The following KLHL32 variants were observed in gnomAD, a reference collection of about 807,000 sequenced individuals.
KLHL32 encodes the protein kelch-like protein 32.
KLHL32 carries 35 observed loss-of-function variants against 64.8 expected under a neutral mutation model. The ratio of observed to expected loss-of-function variants is 0.54; its 90% confidence interval spans 0.41 to 0.72. The LOEUF is 0.72. KLHL32 is among the 30% of genes least tolerant of loss of function. KLHL32 has a pLI of 0.00. For synonymous variants in KLHL32, 259 were observed against 281.0 expected (o/e 0.92, Z 0.78); for missense variants, 589 against 768.5 (o/e 0.77, Z 2.76).
At chr6:97,077,667 A>G (rs1188240916) in intron 5 of KLHL32, among the ~76,000 whole-genome samples, 1 of 152,180 alleles carries the variant, frequency 6.6e-6, no homozygotes, top group Non-Finnish European at 1.5e-5. Context: ...ACTTAAGAAC[A>G]CTTTTCTCAG....
At chr6:97,110,629 A>G (rs544157945) in intron 6 of KLHL32, among the ~76,000 whole-genome samples, 1 of 152,308 alleles carries the variant, frequency 6.6e-6, no homozygotes, top group East Asian at 1.9e-4. Flanking sequence ...TCCCTCCCTC[A>G]GTACATTTCC....
At chr6:97,039,100 AAAAAAGAAAAAAAG>A (rs1463257004) in intron 3 of KLHL32, among the ~76,000 whole-genome samples, 6 of 151,074 alleles carry the variant, frequency 4.0e-5, no homozygotes, top group African/African-American at 1.5e-4. Context: ...AAAAAAAAAA[AAAAAAGAAAAAAAG>A]AAAAAGAAAA....
chr6:97,002,826 C>CA (rs1779207792), intron 3 of KLHL32, among the ~76,000 whole-genome samples: 1 of 151,958 alleles, frequency 6.6e-6, no homozygotes, highest in Non-Finnish European at 1.5e-5. Flanking sequence ...TATGGTTACA[C>CA]AAAAAAGAAT....
intron 3 of KLHL32, among the ~76,000 whole-genome samples, chr6:97,023,216 AGAC>A (rs147189018): frequency 0.065 from 9,831 of 152,206 alleles, 675 homozygotes; most frequent in African/African-American, 0.17. Flanking sequence ...GAAATTGTAA[AGAC>A]AAAAAAGCCA....
intron 4 of KLHL32, among the ~76,000 whole-genome samples, chr6:97,050,484 G>A (rs1786706198): frequency 6.6e-6 from 1 of 152,100 alleles, no homozygotes; most frequent in Non-Finnish European, 1.5e-5. Flanking sequence ...CCGCAGGTAG[G>A]GCTTGTGTAT....
upstream of KLHL32, chr6:96,924,588 C>G (rs1768899391): frequency 6.6e-6 from 1 of 151,268 alleles, no homozygotes; most frequent in Non-Finnish European, 1.5e-5. Flanking sequence ...AGCGCGCGGG[C>G]TAGCTGGAGG....
At chr6:96,980,055 T>C (rs1021927021) in intron 3 of KLHL32, among the ~76,000 whole-genome samples, 1 of 152,122 alleles carries the variant, frequency 6.6e-6, no homozygotes, top group Non-Finnish European at 1.5e-5. Context: ...ATTTAGGAGA[T>C]ATGGGGCAGA....
At chr6:96,951,974 G>T (rs1001635075) in intron 1 of KLHL32, among the ~76,000 whole-genome samples, 1 of 152,164 alleles carries the variant, frequency 6.6e-6, no homozygotes, top group Non-Finnish European at 1.5e-5. Flanking sequence ...TGTGAAGTTT[G>T]CACATTCTCC....
chr6:97,122,621 A>G (rs944489461), intron 7 of KLHL32, among the ~76,000 whole-genome samples: 4 of 152,188 alleles, frequency 2.6e-5, no homozygotes, highest in African/African-American at 9.7e-5. Flanking sequence ...GCGTGAAGTT[A>G]TAGTCTTTCA....
intron 4 of KLHL32, among the ~76,000 whole-genome samples, chr6:97,043,621 T>G (rs943568281): frequency 2.0e-5 from 3 of 152,178 alleles, no homozygotes; most frequent in African/African-American, 4.8e-5. Flanking sequence ...TATTTTTACT[T>G]TTTTGAAGAA....
chr6:97,057,151 G>T (rs117720017), intron 4 of KLHL32, among the ~76,000 whole-genome samples: 2,567 of 143,910 alleles, frequency 0.018, 33 homozygotes, highest in South Asian at 0.068. Context: ...TACAAAAAAT[G>T]CAGTTTTCCT....
chr6:97,127,153 T>C (rs930263164), intron 7 of KLHL32, among the ~76,000 whole-genome samples: 2 of 152,224 alleles, frequency 1.3e-5, no homozygotes, highest in Non-Finnish European at 2.9e-5. Context: ...GAACAGCTTG[T>C]CAGAATTGGG....
intron 6 of KLHL32, 141 bp from the exon 7 acceptor site, chr6:97,113,642 A>C (rs1797467034): frequency 9.4e-6 from 11 of 1,174,022 alleles, no homozygotes; most frequent in Non-Finnish European, 1.3e-5. Flanking sequence ...ATGGGCTTCA[A>C]AATATTCCAG....
intron 3 of KLHL32, among the ~76,000 whole-genome samples, chr6:97,013,374 G>A (rs555459694): frequency 6.6e-6 from 1 of 152,276 alleles, no homozygotes; most frequent in East Asian, 1.9e-4. Context: ...TTTCGTTGTT[G>A]TAAAATGGAG....
chr6:96,983,689 C>T (rs947623302), intron 3 of KLHL32, among the ~76,000 whole-genome samples: 1 of 152,170 alleles, frequency 6.6e-6, no homozygotes, highest in African/African-American at 2.4e-5. Flanking sequence ...ATAGTGTTCT[C>T]TGATGGTAGT....
intron 5 of KLHL32, among the ~76,000 whole-genome samples, chr6:97,076,617 GAA>G (rs1244769201): frequency 6.6e-6 from 1 of 152,152 alleles, no homozygotes; most frequent in East Asian, 1.9e-4. Flanking sequence ...GGGAAACTAT[GAA>G]ATTAGGAACC....
intron 6 of KLHL32, among the ~76,000 whole-genome samples, chr6:97,098,222 A>C (rs1019469836): frequency 2.0e-5 from 3 of 152,218 alleles, no homozygotes; most frequent in Admixed American, 6.5e-5. Context: ...GCTTTCATGC[A>C]TACCCTTTAA....
chr6:97,023,239 T>C (rs999116650), intron 3 of KLHL32, among the ~76,000 whole-genome samples: 24 of 152,150 alleles, frequency 1.6e-4, no homozygotes, highest in African/African-American at 5.8e-4. Context: ...ACAATTTAGG[T>C]TTTTTAAAAC....
At chr6:96,993,329 T>A (rs1201618119) in intron 3 of KLHL32, among the ~76,000 whole-genome samples, 1 of 152,200 alleles carries the variant, frequency 6.6e-6, no homozygotes, top group African/African-American at 2.4e-5. Flanking sequence ...CTTGTTGACA[T>A]GGCTGGTGAT....
Sources: allele counts gnomAD v4.1 joint callset (sites outside exome capture counted in the v4.1 genomes callset), GRCh38; gene constraint gnomAD v4.1.1; transcripts MANE v1.5; gene names NCBI Gene and HGNC (gene_info 2026-07-23, HGNC 2026-07-21).